Variants in LGALS13 observed in about 807,000 individuals in gnomAD.
The protein encoded by LGALS13 is galectin 13, also known as galactoside-binding soluble lectin 13.
A neutral mutation model predicts 13.2 loss-of-function variants in LGALS13; 11 were observed. The ratio of observed to expected loss-of-function variants is 0.83; its 90% CI spans 0.52 to 1.38. The LOEUF is 1.38. Among genes scored for constraint, LGALS13 ranks in the 40% most tolerant of loss-of-function variants. LGALS13 has a pLI of 0.00. For synonymous variants in LGALS13, 71 were observed against 63.7 expected, an observed-to-expected ratio of 1.11 and a Z score of -0.54; for missense variants, 183 against 174.3, an observed-to-expected ratio of 1.05 and a Z score of -0.28.
chr19:39,603,956 G>A (rs1011832642), intron 1 of LGALS13: 4 of 985,228 alleles, frequency 4.1e-6, no homozygotes. Context: ...CAAGTACTGG[G>A]GCTGTGCTCT....
intron 1 of LGALS13, among the ~76,000 whole-genome samples, chr19:39,604,396 A>C (rs1464304092): frequency 6.6e-6 from 1 of 152,196 alleles, no homozygotes; most frequent in Non-Finnish European, 1.5e-5. Flanking sequence ...ACTGGAATCC[A>C]GGCATCCTGG....
Position 39,604,675 on chromosome 19 carries a change from T to C in LGALS13, c.89T>C (p.Phe30Ser), listed in dbSNP as rs138557200. The stretch of plus-strand genomic sequence containing the variant: ...ATCAAAGGGACACCAATCCACTCTT[T>C]TATGTGAGTACTCCATGGTCCAATG... ...VIIKGTPIHS[F>S]INDPQLQVDF... Residue 30 changes from phenylalanine (F) to serine (S), a missense_variant, in exon 2 of 4, where the codon TTT becomes TCT. Physicochemically the swap from Phe to Ser is radical, Grantham distance 155. Transcript: ENST00000221797. 1.9e-6 allele frequency: 3 copies of C among 1,614,052 alleles called. No homozygotes were observed. Among genetic ancestry groups the C allele is most frequent in the Admixed American group, 3.3e-5 (2 of 60,010 alleles).
At chr19:39,603,339 C>T (rs1414433477) in intron 1 of LGALS13, among the ~76,000 whole-genome samples, 1 of 151,966 alleles carries the variant, frequency 6.6e-6, no homozygotes, top group African/African-American at 2.4e-5. Flanking sequence ...CTCCCAGGCT[C>T]AGCTTGCCTG....
At chr19:39,604,712 G>A in intron 2 of LGALS13, 34 bp downstream of exon 2, 3 of 1,609,720 alleles carry the variant, frequency 1.9e-6, no homozygotes, top group Non-Finnish European at 1.7e-6. Flanking sequence ...AGGGGTTGGA[G>A]AAGAAGGGAG....
chr19:39,604,982 C>A (rs1972660767), intron 2 of LGALS13, 196 bp from the exon 3 acceptor site: 3 of 678,754 alleles, frequency 4.4e-6, no homozygotes, highest in South Asian at 1.7e-5. Flanking sequence ...GCTCAGTTTT[C>A]ATCTGGGGAT....
intron 1 of LGALS13, 61 bp downstream of exon 1, chr19:39,602,644 G>C: frequency 1.3e-6 from 2 of 1,487,386 alleles, no homozygotes; most frequent in Non-Finnish European, 1.9e-6. Flanking sequence ...AAAGAAATGG[G>C]AGATTTTATG....
chr19:39,603,445 T>C (rs1025780619), intron 1 of LGALS13, among the ~76,000 whole-genome samples: 11 of 151,740 alleles, frequency 7.2e-5, no homozygotes, highest in African/African-American at 1.2e-4. Context: ...TTTCAGAGAC[T>C]GAATCACACA....
Position 39,607,335 on chromosome 19 carries a change from A to G in LGALS13, c.416A>G (p.Asn139Ser), listed in dbSNP as rs1972708329. 3.8e-6 allele frequency: 6 copies of G among 1,588,654 alleles called. No individual in the cohort carries two copies. Among genetic ancestry groups the G allele is most frequent in the Non-Finnish European group, 5.2e-6 (6 of 1,156,724 alleles). ...TCCCTGACCTCAGTGTGTGTCTGCA[A>G]TTGAGGGAGATGATCACACTCCTCA... The part of the protein sequence containing the change: ...DISLTSVCVC[N>S] The change falls in exon 4 of 4, where the codon AAT (asparagine) becomes AGT (serine). Residue 139 changes from asparagine to serine, a missense_variant. Coordinates refer to ENST00000221797, the MANE Select transcript of LGALS13 (RefSeq NM_013268.3).
intron 3 of LGALS13, among the ~76,000 whole-genome samples, chr19:39,606,899 G>A (rs148328907): frequency 1.4e-4 from 22 of 152,298 alleles, no homozygotes; most frequent in African/African-American, 5.1e-4. Flanking sequence ...GGTCCTGTGC[G>A]AGATGCAGGG....
chr19:39,605,528 C>G (rs1230494495), intron 3 of LGALS13, 140 bp downstream of exon 3: 3 of 742,876 alleles, frequency 4.0e-6, no homozygotes, highest in Non-Finnish European at 4.7e-6. Context: ...TCACAGAGCA[C>G]CCCCTGCTTG....
chr19:39,605,540 A>G, intron 3 of LGALS13, 152 bp downstream of exon 3: 1 of 715,318 alleles, frequency 1.4e-6, no homozygotes, highest in Non-Finnish European at 2.5e-6. Context: ...CCCTGCTTGC[A>G]CTGCCATCCT....
At chr19:39,605,462 G>GT in intron 3 of LGALS13, 74 bp downstream of exon 3, 1 of 1,236,466 alleles carries the variant, frequency 8.1e-7, no homozygotes, top group Non-Finnish European at 1.2e-6. Flanking sequence ...CATTGATCTG[G>GT]CCTCAGTAGT....
At position 39,604,043 on chromosome 19, in the gene LGALS13, G is replaced by A; in HGVS notation, c.16-559G>A. The stretch of plus-strand genomic sequence containing the variant: ...GATGCATGTGCATCCCACACACAGG[G>A]GTTTCCTGTTCTTTCATCATTTCCC... On this transcript the variant is annotated intron_variant, in intron 1 of 3. Transcript: ENST00000221797. The A allele has an allele frequency of 3.3e-6, 3 of 916,922 alleles. No homozygotes were observed. The South Asian group carries it at 1.5e-4, about 46-fold the overall frequency. 56.8% of individuals were successfully genotyped at this position (916,922 alleles called of 1,614,324 possible). A position where few individuals can be genotyped will look rare whatever the true frequency, so the allele number is the denominator to read the frequency against.
chr19:39,606,840 C>G (rs183278602), intron 3 of LGALS13, among the ~76,000 whole-genome samples: 46 of 152,292 alleles, frequency 3.0e-4, no homozygotes, highest in Middle Eastern at 6.8e-3. Flanking sequence ...GTTCATGGAA[C>G]TGAAAAGTAT....
In LGALS13 at chr19:39,602,584, G is replaced by A. The variant is rs774094589; in HGVS notation, c.15+1G>A. On this transcript the variant is annotated splice_donor_variant, in intron 1 of 3. Coordinates refer to ENST00000221797, the MANE Select transcript of LGALS13 (RefSeq NM_013268.3). LOFTEE classifies it high-confidence loss of function. Reference sequence around the variant, plus strand: ...GGAGAGAACAATGTCTTCTTTACCCGTGAGTTGAAAAGGCACAGCCTTCAA... The same window carrying A: ...GGAGAGAACAATGTCTTCTTTACCCATGAGTTGAAAAGGCACAGCCTTCAA... The A allele has an allele frequency of 6.9e-5, 111 of 1,613,950 alleles. No individual in the cohort carries two copies. Among genetic ancestry groups the A allele is most frequent in the East Asian group, 1.6e-4 (7 of 44,902 alleles).
At position 39,605,295 on chromosome 19, in the gene LGALS13, G is replaced by T. The variant is rs765632330; in HGVS notation, c.210G>T (p.Gly70=). Residue 70 remains glycine (G), a synonymous_variant, in exon 3 of 4, where the codon GGG becomes GGT. Coordinates refer to ENST00000221797, the MANE Select transcript of LGALS13 (RefSeq NM_013268.3). ...NHVVMNRREF[G]IWMLEETTDY... is the part of the protein sequence containing the mutation. ...TGGTCATGAACAGGCGTGAGTTTGG[G>T]ATATGGATGTTGGAGGAGACAACAG... The T allele has an allele frequency of 1.2e-6, 2 of 1,614,138 alleles. No individual in the cohort carries two copies. Among genetic ancestry groups the T allele is most frequent in the South Asian group, 2.2e-5 (2 of 91,086 alleles).
At chr19:39,605,987 C>G (rs1972683192) in intron 3 of LGALS13, among the ~76,000 whole-genome samples, 1 of 152,174 alleles carries the variant, frequency 6.6e-6, no homozygotes, top group Admixed American at 6.5e-5. Context: ...GCTGGGACTA[C>G]AGGTGTGTGC....
chr19:39,606,933 C>T (rs1972697940), intron 3 of LGALS13, among the ~76,000 whole-genome samples: 1 of 152,098 alleles, frequency 6.6e-6, no homozygotes, highest in African/African-American at 2.4e-5. Context: ...AGACACAGTC[C>T]CTGGCGATGG....
chr19:39,606,400 C>T (rs1972689249), intron 3 of LGALS13, among the ~76,000 whole-genome samples: 1 of 152,178 alleles, frequency 6.6e-6, no homozygotes, highest in Non-Finnish European at 1.5e-5. Context: ...AAATTTCCTT[C>T]CAGTATTTTG....
Sources: allele counts gnomAD v4.1 joint callset (sites outside exome capture counted in the v4.1 genomes callset), GRCh38; gene constraint gnomAD v4.1.1; transcripts MANE v1.5; gene names NCBI Gene and HGNC (gene_info 2026-07-23, HGNC 2026-07-21).